The following FAAH2 variants were observed in gnomAD, a reference collection of about 807,000 sequenced individuals.
The protein encoded by FAAH2 is fatty acid amide hydrolase 2, also known as fatty-acid amide hydrolase 2.
A neutral mutation model predicts 36.9 loss-of-function variants in FAAH2; 60 were observed. That is an observed-to-expected ratio of 1.63 (90% confidence interval 1.32 to 2.02). FAAH2 has a LOEUF of 2.02. Ranked by LOEUF, FAAH2 falls within the 30% of genes most tolerant of loss-of-function variation. FAAH2 has a pLI of 0.00. For missense variants in FAAH2, 689 were observed against 397.5 expected (o/e 1.73, Z -6.23); for synonymous variants, 214 against 143.8 (o/e 1.49, Z -3.49).
intron 8 of FAAH2, among the ~76,000 whole-genome samples, chrX:57,443,375 T>C (rs1037372572): frequency 8.9e-6 from 1 of 112,045 alleles, no homozygotes; most frequent in Non-Finnish European, 1.9e-5. Context: ...CAATCACTGT[T>C]ACCCTTTCTT....
intron 2 of FAAH2, among the ~76,000 whole-genome samples, chrX:57,296,983 T>C (rs1392580369): frequency 9.1e-6 from 1 of 109,817 alleles, no homozygotes; most frequent in South Asian, 4.0e-4. Flanking sequence ...CTGATTGGTG[T>C]ACCTGAAAGT....
chrX:57,375,454 A>G (rs2054651634), intron 5 of FAAH2, among the ~76,000 whole-genome samples: 1 of 101,198 alleles, frequency 9.9e-6, no homozygotes, highest in African/African-American at 3.7e-5. Context: ...TTAAGCTGGG[A>G]GAGTTGTATA....
chrX:57,432,271 G>A (rs1010526972), intron 8 of FAAH2, among the ~76,000 whole-genome samples: 1 of 111,565 alleles, frequency 9.0e-6, no homozygotes, highest in East Asian at 2.8e-4. Context: ...GCTTCTTGAT[G>A]GAGGAATTGC....
chrX:57,159,827 T>A, the FAAH2 span, among the ~76,000 whole-genome samples: 2 of 111,552 alleles, frequency 1.8e-5, no homozygotes, highest in Non-Finnish European at 3.8e-5. Flanking sequence ...GAATGCCCTT[T>A]ATTTCCTTCT....
intron 3 of FAAH2, among the ~76,000 whole-genome samples, chrX:57,319,014 C>A (rs2052931428): frequency 1.8e-5 from 2 of 111,560 alleles, no homozygotes; most frequent in Non-Finnish European, 3.8e-5. Context: ...ATTAATGGAA[C>A]ATATCTCAAA....
At chrX:57,480,872 C>G (rs1602832348) in intron 10 of FAAH2, among the ~76,000 whole-genome samples, 1 of 110,908 alleles carries the variant, frequency 9.0e-6, no homozygotes, top group Non-Finnish European at 1.9e-5. Flanking sequence ...CTCAGGGACC[C>G]CAGTCGATCG....
intron 3 of FAAH2, among the ~76,000 whole-genome samples, chrX:57,320,501 T>C (rs909840798): frequency 1.8e-5 from 2 of 112,118 alleles, no homozygotes; most frequent in Non-Finnish European, 3.8e-5. Flanking sequence ...ATGGTGATCA[T>C]TAAAAAGTCA....
At chrX:57,177,236 C>T in the FAAH2 span, among the ~76,000 whole-genome samples, 7 of 109,647 alleles carry the variant, frequency 6.4e-5, no homozygotes, top group Non-Finnish European at 1.1e-4. Flanking sequence ...CAGGGCTGCA[C>T]TTACAGGTCA....
chrX:57,471,189 A>G (rs1294762981), intron 10 of FAAH2, among the ~76,000 whole-genome samples: 1 of 111,870 alleles, frequency 8.9e-6, no homozygotes, highest in African/African-American at 3.2e-5. Flanking sequence ...CTGGCACAAG[A>G]CAGGGATGAC....
chrX:57,479,811 AG>A (rs1397700239), intron 10 of FAAH2, among the ~76,000 whole-genome samples: 1 of 111,356 alleles, frequency 9.0e-6, no homozygotes, highest in Non-Finnish European at 1.9e-5. Context: ...CTTGCATCCC[AG>A]GGATGAAACC....
the FAAH2 span, among the ~76,000 whole-genome samples, chrX:57,223,695 G>T: frequency 1.8e-5 from 2 of 111,756 alleles, no homozygotes; most frequent in Admixed American, 1.9e-4. Flanking sequence ...CTATCTTCTA[G>T]TCTTTATCTG....
intron 7 of FAAH2, among the ~76,000 whole-genome samples, chrX:57,385,543 C>T (rs781500069): frequency 9.0e-6 from 1 of 111,664 alleles, no homozygotes; most frequent in Non-Finnish European, 1.9e-5. Flanking sequence ...GAGACAGCTG[C>T]TAAGGCTGCA....
chrX:57,250,454 G>A, the FAAH2 span, among the ~76,000 whole-genome samples: 1 of 111,432 alleles, frequency 9.0e-6, no homozygotes, highest in African/African-American at 3.3e-5. Context: ...CAATAAAGCT[G>A]TTTAAATAAC....
the FAAH2 span, among the ~76,000 whole-genome samples, chrX:57,201,214 A>G: frequency 0.075 from 8,229 of 110,244 alleles, 773 homozygotes; most frequent in African/African-American, 0.26. Flanking sequence ...CAAGGTCAGG[A>G]GTTCATGACC....
chrX:57,399,469 T>A (rs1056467201), intron 7 of FAAH2, among the ~76,000 whole-genome samples: 2 of 112,180 alleles, frequency 1.8e-5, no homozygotes, highest in Non-Finnish European at 3.8e-5. Context: ...TTCCCCATTC[T>A]CTTTCTCTTG....
At chrX:57,371,001 A>T (rs1261728472) in intron 5 of FAAH2, among the ~76,000 whole-genome samples, 4 of 112,243 alleles carry the variant, frequency 3.6e-5, no homozygotes, top group Non-Finnish European at 7.5e-5. Flanking sequence ...ACAGCTGCAG[A>T]ATACACATTC....
rs1274169069 is a variant in FAAH2 at position 57,331,730 on chromosome X, G to T, written c.545G>T (p.Trp182Leu). The T allele has an allele frequency of 1.7e-6, 2 of 1,210,866 alleles. No homozygotes were observed. Among genetic ancestry groups the T allele is most frequent in the Non-Finnish European group, 2.2e-6 (2 of 895,219 alleles). Residue 182 changes from tryptophan to leucine, a missense_variant, in exon 4 of 11, where the codon TGG becomes TTG. Physicochemically the swap from Trp to Leu is moderately conservative, Grantham distance 61. Coordinates refer to ENST00000374900, the MANE Select transcript of FAAH2 (RefSeq NM_174912.4). ...ACCAACTGTAGTGAGTTGTGTATGT[G>T]GTATGAATCCAGTAACAAGATCTAT... is the stretch of plus-strand genomic sequence containing the variant. Reference protein sequence around the residue: ...GITNCSELCMWYESSNKIYGR... With the variant: ...GITNCSELCMLYESSNKIYGR...
the FAAH2 span, among the ~76,000 whole-genome samples, chrX:57,265,706 G>T: frequency 1.8e-5 from 2 of 112,220 alleles, no homozygotes; most frequent in African/African-American, 6.5e-5. Flanking sequence ...ATGGGAAAGA[G>T]CTCCCAGAGG....
intron 10 of FAAH2, among the ~76,000 whole-genome samples, chrX:57,460,691 A>G (rs1056950862): frequency 8.9e-6 from 1 of 112,087 alleles, no homozygotes; most frequent in African/African-American, 3.2e-5. Flanking sequence ...TAGCCACTGC[A>G]AAAATACACC....
Sources: allele counts gnomAD v4.1 joint callset (sites outside exome capture counted in the v4.1 genomes callset), GRCh38; gene constraint gnomAD v4.1.1; transcripts MANE v1.5; gene names NCBI Gene and HGNC (gene_info 2026-07-23, HGNC 2026-07-21).